Variants in ABHD18 observed in about 807,000 individuals in gnomAD.
The protein encoded by ABHD18 is abhydrolase domain containing 18.
A neutral mutation model predicts 65.9 loss-of-function variants in ABHD18; 55 were observed. The observed-to-expected ratio is 0.84, with a 90% CI of 0.67 to 1.05. The LOEUF is 1.05. Among genes scored for constraint, ABHD18 ranks in the 50% least tolerant of loss-of-function variants. ABHD18 has a pLI of 0.00. For missense variants in ABHD18, 533 were observed against 558.5 expected (o/e 0.95, Z 0.46); for synonymous variants, 181 against 180.2 (o/e 1.00, Z -0.04).
chr4:127,990,480 A>G (rs932022172), intron 4 of ABHD18, among the ~76,000 whole-genome samples: 2 of 152,058 alleles, frequency 1.3e-5, no homozygotes, highest in African/African-American at 2.4e-5. Flanking sequence ...AGGAGCATCT[A>G]TTGAACCCAG....
At chr4:128,022,506 CT>C (rs1307917619) in intron 10 of ABHD18, among the ~76,000 whole-genome samples, 1 of 152,182 alleles carries the variant, frequency 6.6e-6, no homozygotes. Context: ...CTGATTATCT[CT>C]TTTTTTATGA....
intron 4 of ABHD18, among the ~76,000 whole-genome samples, chr4:127,993,531 C>T (rs1166306728): frequency 6.6e-6 from 1 of 151,794 alleles, no homozygotes; most frequent in Non-Finnish European, 1.5e-5. Context: ...CATTCTTGTG[C>T]AGCAATTTAT....
At chr4:127,997,241 C>T (rs114825170) in intron 4 of ABHD18, among the ~76,000 whole-genome samples, 3,991 of 152,256 alleles carry the variant, frequency 0.026, 156 homozygotes, top group African/African-American at 0.091. Flanking sequence ...TGGCTCCAGC[C>T]GGTCCCTCCA....
In ABHD18 at chr4:128,039,147, A is replaced by G. The variant is rs1420592642; in HGVS notation, c.*3334A>G. ...GTATTATATATACACACATATGCATATATATATATATATATATATATATAT... is the reference window on the plus strand; with the variant it reads ...GTATTATATATACACACATATGCATGTATATATATATATATATATATATAT... On this transcript the variant is annotated 3_prime_UTR_variant, in exon 13 of 13. Transcript: ENST00000645843. 2.3e-3 allele frequency: 23 copies of G among 9,818 alleles called. No homozygotes were observed. Among genetic ancestry groups the G allele is most frequent in the African/African-American group, 9.5e-3 (22 of 2,316 alleles). 0.6% of individuals were successfully genotyped at this position (9,818 alleles called of 1,614,324 possible).
chr4:128,032,858 T>C (rs980462281), intron 12 of ABHD18, among the ~76,000 whole-genome samples: 1 of 152,212 alleles, frequency 6.6e-6, no homozygotes, highest in East Asian at 1.9e-4. Flanking sequence ...ATACATTACA[T>C]GTACACAAGC....
chr4:127,973,887 T>A (rs1386479606), intron 1 of ABHD18, among the ~76,000 whole-genome samples: 1 of 143,542 alleles, frequency 7.0e-6, no homozygotes, highest in Non-Finnish European at 1.5e-5. Context: ...AAAAAATGAA[T>A]TCTGCCTTCA....
intron 4 of ABHD18, among the ~76,000 whole-genome samples, chr4:128,004,451 CA>C (rs537283340): frequency 1.4e-4 from 20 of 144,756 alleles, no homozygotes; most frequent in Middle Eastern, 3.4e-3. Context: ...GACTCCATCT[CA>C]AAAAAAAAAG....
At chr4:127,971,075 CAAA>C (rs201291341) in intron 1 of ABHD18, among the ~76,000 whole-genome samples, 12 of 110,036 alleles carry the variant, frequency 1.1e-4, no homozygotes, top group East Asian at 2.3e-4. Context: ...GACTCTGTCT[CAAA>C]AAAAAAAAAA....
intron 10 of ABHD18, 122 bp from the exon 11 acceptor site, chr4:128,028,353 A>G: frequency 2.7e-6 from 2 of 728,292 alleles, no homozygotes; most frequent in Non-Finnish European, 4.2e-6. Context: ...GTTTGAATAT[A>G]CTACATTTTA....
At chr4:128,007,853 C>G (rs1293664686) in intron 4 of ABHD18, among the ~76,000 whole-genome samples, 2 of 151,754 alleles carry the variant, frequency 1.3e-5, no homozygotes, top group Non-Finnish European at 2.9e-5. Flanking sequence ...GAATCAGATT[C>G]TATCATATAC....
intron 7 of ABHD18, among the ~76,000 whole-genome samples, chr4:128,012,607 A>C (rs1157556430): frequency 1.3e-5 from 2 of 152,230 alleles, no homozygotes; most frequent in Admixed American, 1.3e-4. Context: ...ATAAAGAGTA[A>C]TATGGGATGC....
intron 12 of ABHD18, among the ~76,000 whole-genome samples, chr4:128,033,805 G>A (rs1451518700): frequency 6.6e-6 from 1 of 151,746 alleles, no homozygotes; most frequent in Non-Finnish European, 1.5e-5. Flanking sequence ...CAAAGTTCTG[G>A]GATTACAGGC....
intron 4 of ABHD18, among the ~76,000 whole-genome samples, chr4:127,994,611 A>G (rs1366618234): frequency 6.6e-6 from 1 of 152,270 alleles, no homozygotes; most frequent in South Asian, 2.1e-4. Context: ...AAAACAAACA[A>G]AATGTCCATT....
At position 128,038,035 on chromosome 4, in the gene ABHD18, T is replaced by C. The variant is rs746882923; in HGVS notation, c.*2222T>C. 15 of 152,196 alleles carry C rather than the reference T, an allele frequency of 9.9e-5. No homozygotes were observed. Among genetic ancestry groups the C allele is most frequent in the Non-Finnish European group, 2.1e-4 (14 of 68,030 alleles). The allele number at this position is 152,196 out of a possible 1,614,324, so 9.4% of individuals were successfully genotyped here. On this transcript the variant is annotated 3_prime_UTR_variant, in exon 13 of 13. Coordinates refer to ENST00000645843, the MANE Select transcript of ABHD18 (RefSeq NM_001358451.3). ...ATAGGGATTCTTAGTCTACTAACGA[T>C]ATTTGAATTATAATGTGCCTTTGCA...
chr4:127,982,880 G>T, intron 1 of ABHD18, 59 bp from the exon 2 acceptor site: 5 of 849,204 alleles, frequency 5.9e-6, no homozygotes, highest in South Asian at 2.0e-5. Flanking sequence ...TTAGAAAATT[G>T]ACCTGCTACC....
chr4:128,033,132 T>G (rs1051599208), intron 12 of ABHD18, among the ~76,000 whole-genome samples: 10 of 152,082 alleles, frequency 6.6e-5, no homozygotes, highest in Admixed American at 4.6e-4. Context: ...CGGGTGCCTG[T>G]AGTCCCAGCT....
chr4:128,023,823 G>T (rs1756935138), intron 10 of ABHD18, among the ~76,000 whole-genome samples: 1 of 152,216 alleles, frequency 6.6e-6, no homozygotes. Flanking sequence ...GGCAGAGCTT[G>T]CAGTAAGCCA....
At chr4:127,972,730 A>G (rs1747088611) in intron 1 of ABHD18, among the ~76,000 whole-genome samples, 1 of 151,760 alleles carries the variant, frequency 6.6e-6, no homozygotes, top group Admixed American at 6.6e-5. Flanking sequence ...ATTATTCCAG[A>G]GTGACATGCC....
chr4:128,011,624 C>T, intron 6 of ABHD18, 49 bp from the exon 7 acceptor site: 1 of 1,456,008 alleles, frequency 6.9e-7, no homozygotes, highest in East Asian at 2.5e-5. Context: ...CTCAGACAAA[C>T]AAAATTATTT....
Sources: allele counts gnomAD v4.1 joint callset (sites outside exome capture counted in the v4.1 genomes callset), GRCh38; gene constraint gnomAD v4.1.1; transcripts MANE v1.5; gene names NCBI Gene and HGNC (gene_info 2026-07-23, HGNC 2026-07-21).